Variants in BIRC6 observed in about 807,000 individuals in gnomAD.
BIRC6 encodes the protein baculoviral IAP repeat containing 6, also known as dual E2 ubiquitin-conjugating enzyme/E3 ubiquitin-protein ligase BIRC6.
Under a neutral mutation model 503.3 loss-of-function variants are expected in BIRC6, and 98 were observed. The observed-to-expected ratio is 0.19, with a 90% CI of 0.17 to 0.23. The LOEUF is 0.23. BIRC6 is among the 10% of genes least tolerant of loss of function. BIRC6 has a pLI of 1.00. For synonymous variants in BIRC6, 2,240 were observed against 2,078.7 expected (o/e 1.08, Z -2.11); for missense variants, 5,360 against 5,806.0 (o/e 0.92, Z 2.50).
intron 21 of BIRC6, among the ~76,000 whole-genome samples, chr2:32,446,761 T>A (rs1239914180): frequency 1.4e-5 from 2 of 138,348 alleles, no homozygotes; most frequent in Non-Finnish European, 3.1e-5. Context: ...TTTTTTTTTT[T>A]TTTTTTTTTT....
At chr2:32,490,364 A>G (rs1423057820) in intron 43 of BIRC6, among the ~76,000 whole-genome samples, 2 of 152,198 alleles carry the variant, frequency 1.3e-5, no homozygotes, top group African/African-American at 4.8e-5. Context: ...CCTGGCCAAC[A>G]TGGTGAAACC....
intron 28 of BIRC6, among the ~76,000 whole-genome samples, 153 bp downstream of exon 28, chr2:32,468,264 C>T (rs1158813336): frequency 6.6e-6 from 1 of 152,102 alleles, no homozygotes; most frequent in East Asian, 1.9e-4. Context: ...ACACTTAATG[C>T]GTGAAAATAT....
intron 43 of BIRC6, among the ~76,000 whole-genome samples, 157 bp from the exon 44 acceptor site, chr2:32,491,268 C>T (rs1415404385): frequency 6.6e-6 from 1 of 152,080 alleles, no homozygotes; most frequent in African/African-American, 2.4e-5. Context: ...GAGGGAAGTC[C>T]TGCTTAGTCA....
chr2:32,490,618 A>G (rs2051584290), intron 43 of BIRC6, among the ~76,000 whole-genome samples: 1 of 152,082 alleles, frequency 6.6e-6, no homozygotes, highest in East Asian at 1.9e-4. Context: ...TTACTTTGAT[A>G]ATATAGTCTC....
chr2:32,580,099 G>A lies in BIRC6; in HGVS notation c.13355+4733G>A, dbSNP rs144562944. Reference sequence around the variant, plus strand: ...CTCCCGAGTAGCTGGGATTACAGGCGTGTGTCACCACGCCCAGCTAATTTT... The same window carrying A: ...CTCCCGAGTAGCTGGGATTACAGGCATGTGTCACCACGCCCAGCTAATTTT... On this transcript the variant is annotated intron_variant, in intron 66 of 73. Coordinates refer to ENST00000421745, the MANE Select transcript of BIRC6 (RefSeq NM_016252.4). Among the ~76,000 whole-genome samples the A allele has an allele frequency of 5.4e-3, 818 of 151,948 alleles. 10 individuals are homozygous for A. Among genetic ancestry groups the A allele is most frequent in the African/African-American group, 0.019 (768 of 41,428 alleles).
At chr2:32,463,106 T>A in intron 23 of BIRC6, 88 bp from the exon 24 acceptor site, 7 of 1,121,700 alleles carry the variant, frequency 6.2e-6, no homozygotes, top group Non-Finnish European at 8.7e-6. Flanking sequence ...ATCATAATAG[T>A]GCCAAAATAT....
Position 32,590,178 on chromosome 2 carries a change from C to G in BIRC6, c.13356-3737C>G, listed in dbSNP as rs146014882. ...ACAGTAATATTTTTATTTACTCTTT[C>G]AGTTTACCTCTAATCTAAACTATAA... is the stretch of plus-strand genomic sequence containing the variant. On this transcript the variant is annotated intron_variant, in intron 66 of 73. Coordinates refer to ENST00000421745, the MANE Select transcript of BIRC6 (RefSeq NM_016252.4). Among the ~76,000 whole-genome samples the G allele has an allele frequency of 3.6e-3, 544 of 152,274 alleles. 4 individuals are homozygous for G. The highest frequency in any genetic ancestry group is 5.6e-3 in the Non-Finnish European group (383 of 68,006).
intron 1 of BIRC6, among the ~76,000 whole-genome samples, chr2:32,359,618 T>C (rs1234718156): frequency 1.3e-5 from 2 of 152,236 alleles, no homozygotes; most frequent in Admixed American, 1.3e-4. Flanking sequence ...AATTAAAATA[T>C]GTAGAAGGGT....
chr2:32,382,189 T>A (rs2037767169), intron 3 of BIRC6, among the ~76,000 whole-genome samples: 1 of 152,174 alleles, frequency 6.6e-6, no homozygotes, highest in African/African-American at 2.4e-5. Flanking sequence ...ACTTAGAGAA[T>A]AGGCCCCGTG....
chr2:32,612,849 A>G (rs1263854205), intron 73 of BIRC6, among the ~76,000 whole-genome samples: 1 of 152,170 alleles, frequency 6.6e-6, no homozygotes, highest in Non-Finnish European at 1.5e-5. Flanking sequence ...CTTGCAGAAA[A>G]TTTCCCTAAG....
rs1026508771 is a variant in BIRC6 at position 32,520,179 on chromosome 2, A to T, written c.11623+1233A>T. On this transcript the variant is annotated intron_variant, in intron 57 of 73. Transcript: ENST00000421745. ...TTAAAAATACAAATCTAAAGCCCAG[A>T]GTAAAAGAGAGAGTTAAAGAGATTT... Among the ~76,000 whole-genome samples the T allele has an allele frequency of 2.0e-5, 3 of 152,238 alleles. No individual in the cohort carries two copies. In the East Asian group the frequency reaches 5.8e-4, roughly 29 times the overall value.
At chr2:32,570,369 A>C (rs1447892053) in intron 65 of BIRC6, among the ~76,000 whole-genome samples, 1 of 152,188 alleles carries the variant, frequency 6.6e-6, no homozygotes, top group African/African-American at 2.4e-5. Context: ...TTTTGGGTAG[A>C]CACAGGGTTT....
chr2:32,608,572 G>T (rs924683210), intron 72 of BIRC6, among the ~76,000 whole-genome samples: 18 of 146,664 alleles, frequency 1.2e-4, no homozygotes, highest in African/African-American at 4.9e-4. Context: ...GTGGCACCAC[G>T]CCTGGCTAAT....
chr2:32,443,737 A>T, intron 20 of BIRC6, 149 bp downstream of exon 20: 1 of 652,710 alleles, frequency 1.5e-6, no homozygotes, highest in Non-Finnish European at 2.5e-6. Context: ...GATAGATTGT[A>T]GCTGGGTGGT....
In BIRC6 at chr2:32,543,396, C is replaced by T; in HGVS notation, c.12447C>T (p.Thr4149=). 6.2e-7 allele frequency: 1 copy of T among 1,613,996 alleles called. No homozygotes were observed. The highest frequency in any genetic ancestry group is 8.5e-7 in the Non-Finnish European group (1 of 1,179,888). Residue 4149 remains threonine (T), a synonymous_variant, in exon 62 of 74, where the codon ACC becomes ACT. Coordinates refer to ENST00000421745, the MANE Select transcript of BIRC6 (RefSeq NM_016252.4). ...CACCTATCAAGTCAGCAGTACAGACCATGTCTCCCATACCTGCCCATTCTT... is the reference window on the plus strand; with the variant it reads ...CACCTATCAAGTCAGCAGTACAGACTATGTCTCCCATACCTGCCCATTCTT... The part of the protein sequence containing the change: ...EPPPIKSAVQ[T]MSPIPAHSLA...
Position 32,599,746 on chromosome 2 carries a change from T to C in BIRC6, c.13838T>C (p.Ile4613Thr). Residue 4613 changes from isoleucine to threonine, a missense_variant, in exon 70 of 74, where the codon ATA becomes ACA. Transcript: ENST00000421745. ...ATGTTTATATATATCCAGGTTCTAATAACTGGTCCAGCGGACACCCCTTAT... is the reference window on the plus strand; with the variant it reads ...ATGTTTATATATATCCAGGTTCTAACAACTGGTCCAGCGGACACCCCTTAT... ...EERLDIMKVL[I>T]TGPADTPYAN... The C allele has an allele frequency of 6.2e-7, 1 of 1,613,362 alleles. No homozygotes were observed. The highest frequency in any genetic ancestry group is 8.5e-7 in the Non-Finnish European group (1 of 1,179,340).
chr2:32,595,631 G>C (rs2061628987), intron 68 of BIRC6, among the ~76,000 whole-genome samples: 1 of 152,194 alleles, frequency 6.6e-6, no homozygotes, highest in South Asian at 2.1e-4. Context: ...ATATGGTTCT[G>C]ATTTATGAGA....
In BIRC6 at chr2:32,415,738, A is replaced by G; in HGVS notation, c.2447A>G (p.Glu816Gly). 2 of 1,613,832 alleles carry G rather than the reference A, an allele frequency of 1.2e-6. No individual in the cohort carries two copies. The highest frequency in any genetic ancestry group is 1.7e-6 in the Non-Finnish European group (2 of 1,179,838). The change falls in exon 10 of 74, where the codon GAG (glutamate) becomes GGG (glycine). Residue 816 changes from glutamate to glycine, a missense_variant. Glu to Gly is a moderately conservative substitution (Grantham distance 98, BLOSUM62 -2). Around this residue, in one of 16 missense-constraint regions of BIRC6, gnomAD observed 700 missense variants for 739.3 expected, o/e 0.95. Coordinates refer to ENST00000421745, the MANE Select transcript of BIRC6 (RefSeq NM_016252.4). Reference protein sequence around the residue: ...DVQTPLIIQPEQRNVSGGYLV... With the variant: ...DVQTPLIIQPGQRNVSGGYLV... ...CAGACTCCTTTAATAATTCAGCCTGAGCAGAGGAATGTTAGTGGTGGATAT... is the reference window on the plus strand; with the variant it reads ...CAGACTCCTTTAATAATTCAGCCTGGGCAGAGGAATGTTAGTGGTGGATAT...
chr2:32,617,834 A>G lies in BIRC6; in HGVS notation c.14504A>G (p.Glu4835Gly), dbSNP rs2063340654. ...PEVCRATTGA[E>G]ETLMHDQVKP... ...GTGTGCAGAGCCACAACAGGTGCTG[A>G]GGAGACTCTAATGCATGATCAGGTT... The change falls in exon 74 of 74, where the codon GAG becomes GGG. Residue 4835 changes from glutamate to glycine, a missense_variant. Coordinates refer to ENST00000421745, the MANE Select transcript of BIRC6 (RefSeq NM_016252.4). 6.2e-7 allele frequency: 1 copy of G among 1,613,882 alleles called. No individual in the cohort carries two copies. Among genetic ancestry groups the G allele is most frequent in the Non-Finnish European group, 8.5e-7 (1 of 1,179,874 alleles).
Sources: allele counts gnomAD v4.1 joint callset (sites outside exome capture counted in the v4.1 genomes callset), GRCh38; gene constraint gnomAD v4.1.1; regional missense constraint gnomAD v4.1.1; transcripts MANE v1.5; gene names NCBI Gene and HGNC (gene_info 2026-07-23, HGNC 2026-07-21).